PRKD3: variants seen among roughly 807,000 people sequenced by gnomAD.
PRKD3 encodes the protein protein kinase D3, also known as serine/threonine-protein kinase D3.
PRKD3 carries 47 observed loss-of-function variants against 99.2 expected under a neutral mutation model. The ratio of observed to expected loss-of-function variants is 0.47; its 90% CI spans 0.38 to 0.60. The LOEUF is 0.60. Among genes scored for constraint, PRKD3 ranks in the 20% least tolerant of loss-of-function variants. PRKD3 has a pLI of 0.00. For missense variants in PRKD3, 1,019 were observed against 1,088.4 expected (o/e 0.94, Z 0.90); for synonymous variants, 392 against 355.4 (o/e 1.10, Z -1.16).
chr2:37,277,843 T>A, intron 9 of PRKD3, 23 bp downstream of exon 9: 1 of 1,606,164 alleles, frequency 6.2e-7, no homozygotes, highest in Non-Finnish European at 8.5e-7. Flanking sequence ...TACTAGCATA[T>A]TCAAATGTAT....
At chr2:37,258,685 A>G (rs1668170679) in intron 16 of PRKD3, among the ~76,000 whole-genome samples, 1 of 152,242 alleles carries the variant, frequency 6.6e-6, no homozygotes, top group African/African-American at 2.4e-5. Flanking sequence ...CGACCTCAAA[A>G]TGATAGGGAA....
chr2:37,316,134 ACTACTGATGGATCAGTATGT>A, intron 2 of PRKD3, 83 bp downstream of exon 2: 1 of 1,192,416 alleles, frequency 8.4e-7, no homozygotes, highest in Non-Finnish European at 1.2e-6. Flanking sequence ...CACAGAATAA[ACTACTGATGGATCAGTATGT>A]CTTAACTCAC....
chr2:37,312,567 TC>T (rs1671478650), intron 2 of PRKD3, among the ~76,000 whole-genome samples: 1 of 152,190 alleles, frequency 6.6e-6, no homozygotes, highest in African/African-American at 2.4e-5. Context: ...TGCATTTTTT[TC>T]ATCTTTTGTT....
At chr2:37,306,215 G>A (rs774629842) in intron 2 of PRKD3, among the ~76,000 whole-genome samples, 15 of 152,100 alleles carry the variant, frequency 9.9e-5, no homozygotes, top group Non-Finnish European at 1.9e-4. Flanking sequence ...GTAATCAGGC[G>A]TTAAGTGGCC....
intron 7 of PRKD3, among the ~76,000 whole-genome samples, chr2:37,280,526 A>C (rs1669807030): frequency 6.6e-6 from 1 of 152,220 alleles, no homozygotes; most frequent in Admixed American, 6.5e-5. Flanking sequence ...TTCAACGGGC[A>C]AAAAATAGTC....
rs186845447 is a variant in PRKD3, at chr2:37,277,048, A to C, written c.1296+818T>G. On this transcript the variant is annotated intron_variant, in intron 9 of 18. Transcript: ENST00000234179. The stretch of plus-strand genomic sequence containing the variant: ...ACACACTGCAGTCTATACTGTTGTT[A>C]TCATACAAAACTTTAGGCCAGCTAA... Among the ~76,000 whole-genome samples, 3 of 152,240 alleles carry C rather than the reference A, an allele frequency of 2.0e-5. No individual in the cohort carries two copies. In the East Asian group the frequency reaches 5.8e-4, roughly 29 times the overall value.
At chr2:37,285,524 TAAAAAC>T (rs1670047513) in intron 6 of PRKD3, among the ~76,000 whole-genome samples, 1 of 152,068 alleles carries the variant, frequency 6.6e-6, no homozygotes, top group African/African-American at 2.4e-5. Flanking sequence ...ACTACATACT[TAAAAAC>T]AAAAAAAACC....
At chr2:37,297,449 C>A (rs1274138687) in intron 2 of PRKD3, among the ~76,000 whole-genome samples, 2 of 152,148 alleles carry the variant, frequency 1.3e-5, no homozygotes, top group Admixed American at 1.3e-4. Context: ...ACATTAGTTA[C>A]ATGCTATATT....
chr2:37,294,261 A>T (rs1173888337), intron 2 of PRKD3, among the ~76,000 whole-genome samples: 1 of 148,744 alleles, frequency 6.7e-6, no homozygotes, highest in African/African-American at 2.5e-5. Flanking sequence ...ACTCCCAGCT[A>T]ATTTTTTATG....
rs959304771 is a variant in PRKD3 at position 37,251,220 on chromosome 2, A to G, written c.*1957T>C. The G allele has an allele frequency of 6.6e-6, 1 of 152,602 alleles. No individual in the cohort carries two copies. Among genetic ancestry groups the G allele is most frequent in the Non-Finnish European group, 1.5e-5 (1 of 68,024 alleles). The allele number at this position is 152,602 out of a possible 1,614,324, so 9.5% of individuals were successfully genotyped here. On this transcript the variant is annotated 3_prime_UTR_variant, in exon 19 of 19. Transcript: ENST00000234179. The stretch of plus-strand genomic sequence containing the variant: ...TAAAAAAAAATTTTTTTTGAAAATT[A>G]ATTTGATTTAATCTTTGAAGCTTCT...
intron 16 of PRKD3, among the ~76,000 whole-genome samples, chr2:37,258,761 T>C (rs985792993): frequency 1.3e-5 from 2 of 152,234 alleles, no homozygotes; most frequent in Non-Finnish European, 2.9e-5. Flanking sequence ...CGATTTTTAA[T>C]ATATCTTTTT....
At chr2:37,287,520 AG>A (rs1051104551) in intron 5 of PRKD3, among the ~76,000 whole-genome samples, 5 of 152,162 alleles carry the variant, frequency 3.3e-5, no homozygotes, top group African/African-American at 1.2e-4. Context: ...GACTAGTTAT[AG>A]AAGGCAGCTG....
chr2:37,318,972 C>T (rs1671770216), intron 1 of PRKD3, among the ~76,000 whole-genome samples: 1 of 152,150 alleles, frequency 6.6e-6, no homozygotes, highest in African/African-American at 2.4e-5. Flanking sequence ...CACTAGAAGT[C>T]AACCACATTT....
rs35158902 is a variant in PRKD3 at position 37,320,423 on chromosome 2, CTTTTTTT to C, written c.-655-3251_-655-3245del. ...AATAAAACTGTATGCAAGTTAACGACTTTTTTTTTTTTTTTTTTTTTTTTTTGAGACA... is the reference window on the plus strand; with the variant it reads ...AATAAAACTGTATGCAAGTTAACGACTTTTTTTTTTTTTTTTTTTGAGACA... On this transcript the variant is annotated intron_variant, in intron 1 of 18. Coordinates refer to ENST00000234179, the MANE Select transcript of PRKD3 (RefSeq NM_005813.6). Among the ~76,000 whole-genome samples the C allele has an allele frequency of 5.2e-3, 409 of 78,162 alleles. 3 individuals carry two copies. Among genetic ancestry groups the C allele is most frequent in the African/African-American group, 0.019 (382 of 19,628 alleles). 51.3% of individuals were successfully genotyped at this position (78,162 alleles called of 152,430 possible). A position where few individuals can be genotyped will look rare whatever the true frequency, so the allele number is the denominator to read the frequency against.
chr2:37,288,358 T>G (rs1457711449), intron 5 of PRKD3, among the ~76,000 whole-genome samples: 1 of 152,192 alleles, frequency 6.6e-6, no homozygotes, highest in Non-Finnish European at 1.5e-5. Context: ...TTTAAAAATC[T>G]CACACTAGGG....
chr2:37,287,779 T>C (rs185371724), intron 5 of PRKD3, among the ~76,000 whole-genome samples: 8 of 152,328 alleles, frequency 5.3e-5, no homozygotes, highest in African/African-American at 1.7e-4. Flanking sequence ...ATTCCCTTCA[T>C]ATAGAAAGGG....
At chr2:37,295,982 C>T (rs935007442) in intron 2 of PRKD3, among the ~76,000 whole-genome samples, 1 of 152,126 alleles carries the variant, frequency 6.6e-6, no homozygotes, top group Admixed American at 6.5e-5. Flanking sequence ...AAGGAAATTT[C>T]TCTCCAGAAA....
chr2:37,269,555 T>C, intron 13 of PRKD3, 60 bp downstream of exon 13: 6 of 1,441,826 alleles, frequency 4.2e-6, no homozygotes, highest in Non-Finnish European at 4.9e-6. Flanking sequence ...TGGCAGATGT[T>C]TTACATTTTC....
In PRKD3 at chr2:37,256,628, A is replaced by ATTTTTT. The variant is rs56389006; in HGVS notation, c.2413+28_2413+33dup. On this transcript the variant is annotated intron_variant, in intron 17 of 18. Coordinates refer to ENST00000234179, the MANE Select transcript of PRKD3 (RefSeq NM_005813.6). Reference sequence around the variant, plus strand: ...TTTAGGCTTAAAACACATAGCCAAAATTTTTTTTTTTTTTTTTTTTTTTTT... The same window carrying ATTTTTT: ...TTTAGGCTTAAAACACATAGCCAAAATTTTTTTTTTTTTTTTTTTTTTTTTTTTTTT... The ATTTTTT allele has an allele frequency of 2.4e-5, 29 of 1,202,288 alleles. No homozygotes were observed. In the East Asian group the frequency reaches 3.4e-4, roughly 14 times the overall value. 74.5% of individuals were successfully genotyped at this position (1,202,288 alleles called of 1,614,324 possible).
Sources: gnomAD v4.1 joint callset for allele counts (sites outside exome capture counted in the v4.1 genomes callset) on GRCh38, gnomAD v4.1.1 for gene constraint, MANE v1.5 for transcripts, NCBI Gene and HGNC (gene_info 2026-07-23, HGNC 2026-07-21) for gene names.